Variants in DACH2 observed in about 807,000 individuals in gnomAD.
DACH2 encodes dachshund family transcription factor 2.
DACH2 carries 17 observed loss-of-function variants against 35.8 expected under a neutral mutation model. The ratio of observed to expected loss-of-function variants is 0.48; its 90% CI spans 0.33 to 0.71. DACH2 has a LOEUF of 0.71. Among genes scored for constraint, DACH2 ranks in the 30% least tolerant of loss-of-function variants. The probability of loss-of-function intolerance (pLI) is 0.02; values close to 1 mark genes in which losing one functional copy is unlikely to be tolerated. For synonymous variants in DACH2, 195 were observed against 177.3 expected (o/e 1.10, Z -0.79); for missense variants, 469 against 472.7 (o/e 0.99, Z 0.07).
intron 4 of DACH2, among the ~76,000 whole-genome samples, chrX:86,693,773 A>G (rs1322337014): frequency 8.9e-6 from 1 of 112,011 alleles, no homozygotes; most frequent in African/African-American, 3.2e-5. Context: ...AATAATTTAA[A>G]TGAATGTTTT....
At chrX:86,168,909 A>G (rs922403842) in intron 1 of DACH2, among the ~76,000 whole-genome samples, 2 of 111,029 alleles carry the variant, frequency 1.8e-5, no homozygotes, top group African/African-American at 6.5e-5. Context: ...TAGTCTTTTC[A>G]CTTAGGATAA....
Position 86,375,133 on chromosome X carries a change from A to G in DACH2, c.489-1691A>G, listed in dbSNP as rs765860884. On this transcript the variant is annotated intron_variant, in intron 1 of 11. Transcript: ENST00000373125. ...ATAAATGAGAAATTTTCAAATATCA[A>G]GGTAAACTCCTAATTTTCTGAGTAA... Among the ~76,000 whole-genome samples, 10 of 108,193 alleles carry G rather than the reference A, an allele frequency of 9.2e-5. No homozygotes were observed. In the East Asian group the frequency reaches 2.9e-3, roughly 31 times the overall value. The allele number at this position is 108,193 out of a possible 115,157, so 94.0% of individuals were successfully genotyped here.
At chrX:86,827,853 T>C (rs1359083118) in intron 11 of DACH2, 2 of 1,045,830 alleles carry the variant, frequency 1.9e-6, no homozygotes, top group Non-Finnish European at 2.6e-6. Flanking sequence ...TTGTAAATTA[T>C]TTAGAATTCA....
At chrX:86,360,102 C>G (rs745679540) in intron 1 of DACH2, among the ~76,000 whole-genome samples, 81 of 110,762 alleles carry the variant, frequency 7.3e-4, no homozygotes, top group African/African-American at 1.0e-3. Flanking sequence ...CTGGACTACT[C>G]TGTTTATTTT....
At chrX:86,761,776 A>T (rs947438468) in intron 7 of DACH2, among the ~76,000 whole-genome samples, 6 of 110,793 alleles carry the variant, frequency 5.4e-5, no homozygotes, top group African/African-American at 2.0e-4. Flanking sequence ...AGGATACCAA[A>T]TGAGCAAGTC....
intron 1 of DACH2, among the ~76,000 whole-genome samples, chrX:86,154,974 G>C (rs1248119697): frequency 9.0e-6 from 1 of 111,023 alleles, no homozygotes; most frequent in Non-Finnish European, 1.9e-5. Context: ...ATGCTATATT[G>C]TGAACTATTC....
chrX:86,827,931 A>C, intron 11 of DACH2: 1 of 592,573 alleles, frequency 1.7e-6, no homozygotes, highest in South Asian at 3.5e-5. Flanking sequence ...AGAACCTTAC[A>C]CATACAGGAA....
rs1421707797 is a variant in DACH2, at chrX:86,295,263, C to G, written c.489-81561C>G. Among the ~76,000 whole-genome samples the G allele has an allele frequency of 3.6e-5, 4 of 111,267 alleles. No homozygotes were observed. In the South Asian group the frequency reaches 1.5e-3, roughly 42 times the overall value. ...GTGCTTCCCAAGTGAGGCAATGCCT[C>G]GCCCTGCTTCGGCTCGCGCACGGTG... On this transcript the variant is annotated intron_variant, in intron 1 of 11. Coordinates refer to ENST00000373125, the MANE Select transcript of DACH2 (RefSeq NM_053281.3).
In DACH2 at chrX:86,228,300, A is replaced by G. The variant is rs1055697111; in HGVS notation, c.488+79192A>G. On this transcript the variant is annotated intron_variant, in intron 1 of 11. Transcript: ENST00000373125. ...GTCATTGCAAATGCTGTATATGTACATACATATATATCAGAGTTTCTTTAT... is the reference window on the plus strand; with the variant it reads ...GTCATTGCAAATGCTGTATATGTACGTACATATATATCAGAGTTTCTTTAT... Among the ~76,000 whole-genome samples the G allele has an allele frequency of 8.1e-5, 9 of 110,887 alleles. No homozygotes were observed. In the Admixed American group the frequency reaches 8.7e-4, roughly 11 times the overall value.
intron 1 of DACH2, among the ~76,000 whole-genome samples, chrX:86,210,647 G>GCTA (rs1271298841): frequency 1.8e-5 from 2 of 111,625 alleles, no homozygotes; most frequent in Non-Finnish European, 3.8e-5. Flanking sequence ...GCTCTCAATG[G>GCTA]CTACTAGTCT....
rs376136327 is a variant in DACH2 at position 86,555,024 on chromosome X, AT to A, written c.640+40641del. Among the ~76,000 whole-genome samples, 14 of 110,832 alleles carry A rather than the reference AT, an allele frequency of 1.3e-4. No homozygotes were observed. In the East Asian group the frequency reaches 2.8e-3, roughly 22 times the overall value. Reference sequence around the variant, plus strand: ...TATAGTCTAGCTCATGATGAGCTCAATTTTTTTTCTTGAACTATAAAATATA... The same window carrying A: ...TATAGTCTAGCTCATGATGAGCTCAATTTTTTTCTTGAACTATAAAATATA... On this transcript the variant is annotated intron_variant, in intron 3 of 11. Coordinates refer to ENST00000373125, the MANE Select transcript of DACH2 (RefSeq NM_053281.3).
chrX:86,404,415 A>G (rs2036489579), intron 2 of DACH2, among the ~76,000 whole-genome samples: 1 of 112,165 alleles, frequency 8.9e-6, no homozygotes, highest in Non-Finnish European at 1.9e-5. Flanking sequence ...GAATTGGCCA[A>G]AACAAAGAGC....
chrX:86,476,759 T>C (rs775298786), intron 2 of DACH2, among the ~76,000 whole-genome samples: 1 of 111,859 alleles, frequency 8.9e-6, no homozygotes, highest in East Asian at 2.8e-4. Context: ...TTGAAGTTTT[T>C]CTTCTTTTTA....
intron 1 of DACH2, among the ~76,000 whole-genome samples, chrX:86,150,914 TC>T (rs774687061): frequency 9.0e-6 from 1 of 111,307 alleles, no homozygotes; most frequent in Non-Finnish European, 1.9e-5. Context: ...CATCTCTCCA[TC>T]CCTGTTCTTT....
chrX:86,430,672 C>T (rs1029939053), intron 2 of DACH2, among the ~76,000 whole-genome samples: 5 of 112,008 alleles, frequency 4.5e-5, no homozygotes, highest in South Asian at 7.4e-4. Flanking sequence ...TGCCTATTAT[C>T]GTACTGGTCA....
chrX:86,200,635 CAA>C (rs56012558), intron 1 of DACH2, among the ~76,000 whole-genome samples: 848 of 47,675 alleles, frequency 0.018, 9 homozygotes, highest in African/African-American at 0.058. Context: ...TGAACTTTTC[CAA>C]AAAAAAAAAA....
intron 3 of DACH2, among the ~76,000 whole-genome samples, chrX:86,533,016 AT>A (rs764602185): frequency 1.0e-3 from 112 of 107,044 alleles, no homozygotes; most frequent in African/African-American, 3.3e-3. Context: ...GCAATGGACA[AT>A]TTTTTAATAA....
At chrX:86,742,664 A>G in intron 7 of DACH2, 1 of 306,166 alleles carries the variant, frequency 3.3e-6, no homozygotes, top group East Asian at 1.1e-4. Context: ...AACAATAGAG[A>G]GGAACTTATT....
chrX:86,526,749 GT>G (rs2038639272), intron 3 of DACH2, among the ~76,000 whole-genome samples: 1 of 109,549 alleles, frequency 9.1e-6, no homozygotes, highest in Non-Finnish European at 1.9e-5. Flanking sequence ...ATCAAACTGG[GT>G]TAGCAAATCG....
Sources: allele counts gnomAD v4.1 joint callset (sites outside exome capture counted in the v4.1 genomes callset), GRCh38; gene constraint gnomAD v4.1.1; transcripts MANE v1.5; gene names NCBI Gene and HGNC (gene_info 2026-07-23, HGNC 2026-07-21).